KIF13A: variants seen among roughly 807,000 people sequenced by gnomAD.
KIF13A encodes kinesin family member 13A.
In KIF13A, 79 loss-of-function variants were observed where a neutral mutation model predicts 212.2. The observed-to-expected ratio is 0.37, with a 90% confidence interval of 0.31 to 0.45. The LOEUF is 0.45. Among genes scored for constraint, KIF13A ranks in the 20% least tolerant of loss-of-function variants. The pLI is 1.00. For missense variants in KIF13A, 1,901 were observed against 2,209.0 expected (o/e 0.86, Z 2.79); for synonymous variants, 789 against 808.6 (o/e 0.98, Z 0.41).
At chr6:17,846,526 G>GGGAGGCCAAGATGGGAAAATTGCT (rs1314448466) in intron 9 of KIF13A, among the ~76,000 whole-genome samples, 2 of 150,672 alleles carry the variant, frequency 1.3e-5, no homozygotes, top group Non-Finnish European at 2.9e-5. Flanking sequence ...CTAGCACTTT[G>GGGAGGCCAAGATGGGAAAATTGCT]GGAGGCCAAG....
In KIF13A at chr6:17,816,167, C is replaced by G. The variant is rs1168240351; in HGVS notation, c.2000+853G>C. 6.6e-6 allele frequency among the ~76,000 whole-genome samples: 1 copy of G among 151,864 alleles called. No individual in the cohort carries two copies. Among genetic ancestry groups the G allele is most frequent in the Non-Finnish European group, 1.5e-5 (1 of 67,970 alleles). ...CTCCTGACCTCAGGCGATCCGCTGC[C>G]TTGGCCTCCCAAAGTGCTGGGATTA... is the stretch of plus-strand genomic sequence containing the variant. On this transcript the variant is annotated intron_variant, in intron 17 of 38. Coordinates refer to ENST00000259711, the MANE Select transcript of KIF13A (RefSeq NM_022113.6). This position sits in a 1 kb window ranked among gnomAD's most constrained non-coding sequence, Gnocchi z 4.3.
intron 3 of KIF13A, among the ~76,000 whole-genome samples, chr6:17,882,655 A>G (rs1424687482): frequency 6.6e-6 from 1 of 151,212 alleles, no homozygotes; most frequent in Non-Finnish European, 1.5e-5. Context: ...TCTGCCTCCC[A>G]GGTTCGAGCG....
rs1770007023 is a variant in KIF13A, at chr6:17,871,504, G to C, written c.220+1873C>G. Among the ~76,000 whole-genome samples the C allele has an allele frequency of 6.6e-6, 1 of 152,042 alleles. No individual in the cohort carries two copies. The highest frequency in any genetic ancestry group is 2.4e-5 in the African/African-American group (1 of 41,390). On this transcript the variant is annotated intron_variant, in intron 4 of 38. Coordinates refer to ENST00000259711, the MANE Select transcript of KIF13A (RefSeq NM_022113.6). The surrounding 1 kb of genome is among the most constrained non-coding windows in gnomAD (Gnocchi z 4.4). ...TAACTTATTTTTGGATTTCTCAAGG[G>C]CTTCATGGGCTGCACACACACAGTG... is the stretch of plus-strand genomic sequence containing the variant.
Position 17,968,244 on chromosome 6 carries a change from C to T in KIF13A, c.146+18810G>A, listed in dbSNP as rs1779497279. ...CCAGGAGAAAGAAGAGTAAGCAGGC[C>T]AGCAGCCCTGCCACTCACAGGGCTG... On this transcript the variant is annotated intron_variant, in intron 2 of 38. Coordinates refer to ENST00000259711, the MANE Select transcript of KIF13A (RefSeq NM_022113.6). This position sits in a 1 kb window ranked among gnomAD's most constrained non-coding sequence, Gnocchi z 4.7. Among the ~76,000 whole-genome samples, 1 of 152,158 alleles carries T rather than the reference C, an allele frequency of 6.6e-6. No homozygotes were observed. The highest frequency in any genetic ancestry group is 2.4e-5 in the African/African-American group (1 of 41,440).
chr6:17,918,401 AAC>A lies in KIF13A; in HGVS notation c.147-20223_147-20222del, dbSNP rs1170100089. ...AACGGCAGCCTATTTTTACATAAAT[AAC>A]AGTTACATTTATTTTACTACTACAG... On this transcript the variant is annotated intron_variant, in intron 2 of 38. Coordinates refer to ENST00000259711, the MANE Select transcript of KIF13A (RefSeq NM_022113.6). The surrounding 1 kb of genome is among the most constrained non-coding windows in gnomAD (Gnocchi z 4.8). Among the ~76,000 whole-genome samples the A allele has an allele frequency of 6.6e-6, 1 of 152,234 alleles. No homozygotes were observed. The highest frequency in any genetic ancestry group is 1.5e-5 in the Non-Finnish European group (1 of 68,040).
intron 2 of KIF13A, among the ~76,000 whole-genome samples, chr6:17,976,473 T>C (rs1208784872): frequency 6.6e-6 from 1 of 152,192 alleles, no homozygotes. Context: ...GCCGGCTGGC[T>C]GCTCCGAATG....
rs541542187 is a variant in KIF13A at position 17,950,893 on chromosome 6, A to G, written c.146+36161T>C. 24 of 983,756 alleles carry G rather than the reference A, an allele frequency of 2.4e-5. No individual in the cohort carries two copies. In the South Asian group the frequency reaches 8.5e-4, roughly 35 times the overall value. The allele number at this position is 983,756 out of a possible 1,614,324, so 60.9% of individuals were successfully genotyped here. ...ATGATTAAATGTGTGGGATAATTAG[A>G]AACAACCGTATCCACCCACCCAGAG... is the stretch of plus-strand genomic sequence containing the variant. On this transcript the variant is annotated intron_variant, in intron 2 of 38. Transcript: ENST00000259711.
At chr6:17,767,197 A>C (rs968878367) in intron 38 of KIF13A, among the ~76,000 whole-genome samples, 1 of 152,182 alleles carries the variant, frequency 6.6e-6, no homozygotes, top group African/African-American at 2.4e-5. Context: ...TGTCTGAACC[A>C]GTAGCCTTTG....
At position 17,789,936 on chromosome 6, in the gene KIF13A, G is replaced by T. The variant is rs1334221489; in HGVS notation, c.3223-26C>A. On this transcript the variant is annotated intron_variant, in intron 25 of 38. Transcript: ENST00000259711. The surrounding 1 kb of genome is among the most constrained non-coding windows in gnomAD (Gnocchi z 4.8). ...CTGGTAGGAAAAAATAAACACAAAG[G>T]ACAAGCATTTTGTTTTTCAAACCAC... 13 of 1,603,306 alleles carry T rather than the reference G, an allele frequency of 8.1e-6. No homozygotes were observed. Among genetic ancestry groups the T allele is most frequent in the Non-Finnish European group, 1.1e-5 (13 of 1,171,318 alleles).
rs1490446740 is a variant in KIF13A, at chr6:17,843,576, TATCCTGAG to T, written c.830+5793_830+5800del. The stretch of plus-strand genomic sequence containing the variant: ...GATACGATGTTTGGAATGATAGAGC[TATCCTGAG>T]ATCATGAAGATGACATGAACACACA... On this transcript the variant is annotated intron_variant, in intron 9 of 38. Transcript: ENST00000259711. The surrounding 1 kb of genome is among the most constrained non-coding windows in gnomAD (Gnocchi z 5.3). Among the ~76,000 whole-genome samples the T allele has an allele frequency of 2.0e-5, 3 of 152,236 alleles. No individual in the cohort carries two copies. Among genetic ancestry groups the T allele is most frequent in the Admixed American group, 2.0e-4 (3 of 15,286 alleles).
chr6:17,973,252 G>A (rs115128533), intron 2 of KIF13A, among the ~76,000 whole-genome samples: 252 of 152,236 alleles, frequency 1.7e-3, no homozygotes, highest in African/African-American at 5.8e-3. Context: ...ATCCCACAAA[G>A]AACACAACTA....
Position 17,906,453 on chromosome 6 carries a change from CT to C in KIF13A, c.147-8274del, listed in dbSNP as rs71002281. 5.1e-3 allele frequency among the ~76,000 whole-genome samples: 605 copies of C among 117,592 alleles called. 2 individuals carry two copies. Among genetic ancestry groups the C allele is most frequent in the Middle Eastern group, 0.039 (9 of 232 alleles). The allele number at this position is 117,592 out of a possible 152,430, so 77.1% of individuals were successfully genotyped here. ...CTTTCCCTTTTTCTCTTTCTTTCTT[CT>C]TTTTTTTTTTTTTGGAGGAGATCTC... On this transcript the variant is annotated intron_variant, in intron 2 of 38. Coordinates refer to ENST00000259711, the MANE Select transcript of KIF13A (RefSeq NM_022113.6).
At chr6:17,852,879 T>C (rs1345791319) in intron 6 of KIF13A, among the ~76,000 whole-genome samples, 2 of 152,206 alleles carry the variant, frequency 1.3e-5, no homozygotes, top group African/African-American at 4.8e-5. Flanking sequence ...ATATTTAGAA[T>C]TGGTTCTGCT....
chr6:17,909,101 G>A (rs1432509122), intron 2 of KIF13A, among the ~76,000 whole-genome samples: 2 of 152,204 alleles, frequency 1.3e-5, no homozygotes, highest in Non-Finnish European at 2.9e-5. Context: ...AGATGCCATT[G>A]CTGTTGTTAC....
chr6:17,779,257 ATTTTTTT>A (rs3076205), intron 32 of KIF13A, among the ~76,000 whole-genome samples, 158 bp from the exon 33 acceptor site: 88 of 37,650 alleles, frequency 2.3e-3, no homozygotes, highest in South Asian at 0.016. Flanking sequence ...ATATATATAT[ATTTTTTT>A]TTTTTTTTTT....
chr6:17,827,819 G>A (rs1765103758), intron 14 of KIF13A, among the ~76,000 whole-genome samples: 2 of 152,090 alleles, frequency 1.3e-5, no homozygotes, highest in Non-Finnish European at 2.9e-5. Context: ...ACCCCGCCTA[G>A]CCAATTTTCT....
Position 17,771,322 on chromosome 6 carries a change from T to G in KIF13A, c.4477-104A>C. 1.4e-6 allele frequency: 1 copy of G among 705,184 alleles called. No homozygotes were observed. The highest frequency in any genetic ancestry group is 1.7e-5 in the South Asian group (1 of 60,572). The allele number at this position is 705,184 out of a possible 1,614,324, so 43.7% of individuals were successfully genotyped here. A position where few individuals can be genotyped will look rare whatever the true frequency, so the allele number is the denominator to read the frequency against. ...AGAAAAGCAATGCTAACACTCTTAT[T>G]ACATGTGAGTAATGCAGCAGCCAAT... On this transcript the variant is annotated intron_variant, in intron 37 of 38. Coordinates refer to ENST00000259711, the MANE Select transcript of KIF13A (RefSeq NM_022113.6). This position sits in a 1 kb window ranked among gnomAD's most constrained non-coding sequence, Gnocchi z 5.4.
At chr6:17,804,947 T>C (rs540856545) in intron 19 of KIF13A, among the ~76,000 whole-genome samples, 1 of 151,638 alleles carries the variant, frequency 6.6e-6, no homozygotes, top group Admixed American at 6.6e-5. Flanking sequence ...CTACCTCACT[T>C]GCAGCTTTTT....
intron 2 of KIF13A, among the ~76,000 whole-genome samples, chr6:17,955,556 A>G (rs1561801956): frequency 6.6e-6 from 1 of 152,248 alleles, no homozygotes; most frequent in Non-Finnish European, 1.5e-5. Context: ...GACAATGTGC[A>G]TTCACTATAT....
Sources: gnomAD v4.1 joint callset for allele counts (sites outside exome capture counted in the v4.1 genomes callset) on GRCh38, gnomAD v4.1.1 for gene constraint, Gnocchi (gnomAD v3.1) non-coding constraint, MANE v1.5 for transcripts, NCBI Gene and HGNC (gene_info 2026-07-23, HGNC 2026-07-21) for gene names.